LRRC49: variants seen among roughly 807,000 people sequenced by gnomAD.
The protein encoded by LRRC49 is leucine rich repeat containing 49.
A neutral mutation model predicts 83.3 loss-of-function variants in LRRC49; 50 were observed. The observed-to-expected ratio is 0.60, with a 90% CI of 0.48 to 0.76. The LOEUF is 0.76. LRRC49 is among the 30% of genes least tolerant of loss of function. LRRC49 has a pLI of 0.00. For missense variants in LRRC49, 704 were observed against 809.1 expected (o/e 0.87, Z 1.58); for synonymous variants, 286 against 283.3 (o/e 1.01, Z -0.10).
chr15:70,928,874 C>T (rs2035309790), intron 7 of LRRC49, among the ~76,000 whole-genome samples: 1 of 152,170 alleles, frequency 6.6e-6, no homozygotes, highest in Admixed American at 6.6e-5. Flanking sequence ...ACATATCTTT[C>T]ATTTATTATG....
chr15:71,011,447 A>G (rs983421530), intron 13 of LRRC49, among the ~76,000 whole-genome samples: 8 of 151,922 alleles, frequency 5.3e-5, no homozygotes, highest in African/African-American at 1.9e-4. Context: ...AAGAATTAGA[A>G]AGAATTAGAA....
intron 8 of LRRC49, among the ~76,000 whole-genome samples, chr15:70,962,882 C>T (rs577782167): frequency 2.0e-5 from 3 of 152,174 alleles, no homozygotes; most frequent in African/African-American, 7.2e-5. Flanking sequence ...GCAATGGTAA[C>T]TTTACATTGG....
chr15:71,015,463 G>A (rs141162844), intron 14 of LRRC49, among the ~76,000 whole-genome samples: 17 of 152,288 alleles, frequency 1.1e-4, no homozygotes, highest in Admixed American at 3.3e-4. Flanking sequence ...GCGTTCCTAT[G>A]AGAATCTAAC....
intron 11 of LRRC49, among the ~76,000 whole-genome samples, chr15:70,995,513 A>G (rs900960703): frequency 1.8e-4 from 28 of 152,260 alleles, no homozygotes; most frequent in African/African-American, 6.7e-4. Context: ...TATTGAAGTT[A>G]CTGATGGTAG....
At chr15:70,907,957 A>G (rs994712457) in intron 5 of LRRC49, 1 of 455,954 alleles carries the variant, frequency 2.2e-6, no homozygotes, top group African/African-American at 2.0e-5. Context: ...AGGTCAACTG[A>G]TGCCTTCATT....
chr15:71,039,154 A>C (rs550877655), intron 15 of LRRC49, among the ~76,000 whole-genome samples: 1 of 152,296 alleles, frequency 6.6e-6, no homozygotes, highest in South Asian at 2.1e-4. Context: ...AATAAGGCAT[A>C]GAAGTATAAA....
intron 15 of LRRC49, among the ~76,000 whole-genome samples, chr15:71,038,571 A>G (rs951317220): frequency 1.1e-4 from 17 of 152,090 alleles, no homozygotes; most frequent in Non-Finnish European, 4.4e-5. Context: ...TTGAAAACTC[A>G]ATGCAAGACT....
At chr15:70,893,536 T>A in intron 1 of LRRC49, 48 bp from the exon 2 acceptor site, 1 of 1,134,408 alleles carries the variant, frequency 8.8e-7, no homozygotes, top group Non-Finnish European at 1.3e-6. Context: ...TGGAAATATG[T>A]GTTTGTGTAT....
chr15:70,900,998 TTACTC>T lies in LRRC49; in HGVS notation c.271_275del (p.Tyr91ArgfsTer40), dbSNP rs1370766753. ...AACGTTCTTCTGAAGAGAAAATTCT[TTACTC>T]AGACAGGTTGAGCCTAGAAAGGTGA... is the stretch of plus-strand genomic sequence containing the variant. On this transcript the variant is annotated frameshift_variant, in exon 4 of 16. Coordinates refer to ENST00000260382, the MANE Select transcript of LRRC49 (RefSeq NM_017691.5). LOFTEE classifies it high-confidence loss of function. 3.1e-6 allele frequency: 5 copies of T among 1,609,974 alleles called. No individual in the cohort carries two copies. The highest frequency in any genetic ancestry group is 2.5e-6 in the Non-Finnish European group (3 of 1,177,560).
intron 10 of LRRC49, 34 bp downstream of exon 10, chr15:70,980,218 C>T (rs987967244): frequency 6.5e-6 from 9 of 1,393,100 alleles, no homozygotes; most frequent in Admixed American, 4.0e-5. Flanking sequence ...GATGTGTGTG[C>T]ACACGTAGAC....
At chr15:70,874,029 T>C (rs2033103681) in intron 2 of LRRC49, among the ~76,000 whole-genome samples, 1 of 152,224 alleles carries the variant, frequency 6.6e-6, no homozygotes, top group Admixed American at 6.5e-5. Context: ...TTCCTGGGTG[T>C]TGTTAGTAAA....
intron 9 of LRRC49, among the ~76,000 whole-genome samples, chr15:70,969,914 C>T (rs1426340685): frequency 6.6e-6 from 1 of 152,176 alleles, no homozygotes; most frequent in Non-Finnish European, 1.5e-5. Context: ...ACAATCATAT[C>T]ATCTGCAAAC....
At chr15:70,909,216 A>G (rs1312869756) in intron 5 of LRRC49, among the ~76,000 whole-genome samples, 4 of 152,198 alleles carry the variant, frequency 2.6e-5, no homozygotes, top group African/African-American at 9.6e-5. Flanking sequence ...TGATTCTCAG[A>G]CAAATAGTAA....
intron 15 of LRRC49, among the ~76,000 whole-genome samples, chr15:71,048,078 A>ATT (rs760450220): frequency 0.021 from 2,230 of 106,700 alleles, 81 homozygotes; most frequent in African/African-American, 0.077. Context: ...ACCGGGCCAA[A>ATT]TTTTTTTTTT....
intron 6 of LRRC49, among the ~76,000 whole-genome samples, chr15:70,915,335 C>A (rs1030743463): frequency 1.3e-5 from 2 of 152,126 alleles, no homozygotes; most frequent in Non-Finnish European, 2.9e-5. Flanking sequence ...TAATTGTAAG[C>A]CCCACCAGGA....
At chr15:71,038,123 A>C (rs2039581893) in intron 15 of LRRC49, among the ~76,000 whole-genome samples, 1 of 152,210 alleles carries the variant, frequency 6.6e-6, no homozygotes, top group South Asian at 2.1e-4. Context: ...AAGGTGCTGT[A>C]TGAGGTGATA....
At chr15:70,983,838 T>A (rs1454846946) in intron 10 of LRRC49, among the ~76,000 whole-genome samples, 1 of 152,192 alleles carries the variant, frequency 6.6e-6, no homozygotes, top group Non-Finnish European at 1.5e-5. Context: ...TTATTTTTAA[T>A]AAAATTAAGT....
chr15:70,963,025 G>C (rs1267818020), intron 8 of LRRC49, among the ~76,000 whole-genome samples: 1 of 151,668 alleles, frequency 6.6e-6, no homozygotes, highest in African/African-American at 2.4e-5. Flanking sequence ...CCAGCACTTT[G>C]GGGGGGCAAG....
In LRRC49 at chr15:71,008,255, C is replaced by T. The variant is rs547467563; in HGVS notation, c.1170-124C>T. 1,182 of 591,448 alleles carry T rather than the reference C, an allele frequency of 2.0e-3. 3 individuals carry two copies. Among genetic ancestry groups the T allele is most frequent in the Non-Finnish European group, 3.1e-3 (1,035 of 331,738 alleles). 36.6% of individuals were successfully genotyped at this position (591,448 alleles called of 1,614,324 possible). ...CTATTGAAAATTAGTCTTTAATGCT[C>T]TAGGTTTAATTACTGAAATGAAAAA... On this transcript the variant is annotated intron_variant, in intron 11 of 15. Coordinates refer to ENST00000260382, the MANE Select transcript of LRRC49 (RefSeq NM_017691.5).
Sources: gnomAD v4.1 joint callset for allele counts (sites outside exome capture counted in the v4.1 genomes callset) on GRCh38, gnomAD v4.1.1 for gene constraint, MANE v1.5 for transcripts, NCBI Gene and HGNC (gene_info 2026-07-23, HGNC 2026-07-21) for gene names.